The following HPSE2 variants were observed in gnomAD, a reference collection of about 807,000 sequenced individuals.
HPSE2 encodes inactive heparanase-2.
Under a neutral mutation model 60.5 loss-of-function variants are expected in HPSE2, and 38 were observed. The ratio of observed to expected loss-of-function variants is 0.63; its 90% CI spans 0.48 to 0.82. The LOEUF (loss-of-function observed/expected upper bound fraction) is 0.82. Among genes scored for constraint, HPSE2 ranks in the 40% least tolerant of loss-of-function variants. The pLI, the probability that HPSE2 is intolerant of heterozygous loss-of-function variation, is 0.00. For synonymous variants in HPSE2, 295 were observed against 293.2 expected, an observed-to-expected ratio of 1.01 and a Z score of -0.06; for missense variants, 713 against 740.4, an observed-to-expected ratio of 0.96 and a Z score of 0.43.
At chr10:98,591,080 G>A (rs557507964) in intron 9 of HPSE2, among the ~76,000 whole-genome samples, 1 of 151,924 alleles carries the variant, frequency 6.6e-6, no homozygotes, top group East Asian at 1.9e-4. Flanking sequence ...ATACCTATGA[G>A]CTATATACAT....
At chr10:99,291,867 C>T in the HPSE2 span, among the ~76,000 whole-genome samples, 1 of 152,088 alleles carries the variant, frequency 6.6e-6, no homozygotes, top group Non-Finnish European at 1.5e-5. Context: ...AGATAATGGC[C>T]TATAGTGGGT....
At chr10:99,022,298 A>T (rs1452382272) in intron 3 of HPSE2, among the ~76,000 whole-genome samples, 1 of 152,084 alleles carries the variant, frequency 6.6e-6, no homozygotes, top group Non-Finnish European at 1.5e-5. Context: ...GGGAGCATTT[A>T]AACTAGACCT....
intron 9 of HPSE2, among the ~76,000 whole-genome samples, chr10:98,571,426 C>T (rs1378907060): frequency 1.3e-5 from 2 of 151,964 alleles, no homozygotes; most frequent in Non-Finnish European, 2.9e-5. Flanking sequence ...AAAAGGAGAC[C>T]AATGTGTAAT....
chr10:98,996,820 A>G (rs2135358998), intron 3 of HPSE2, among the ~76,000 whole-genome samples: 1 of 152,296 alleles, frequency 6.6e-6, no homozygotes, highest in South Asian at 2.1e-4. Flanking sequence ...AGTCTAACAT[A>G]ATCTATAGTG....
chr10:99,014,752 T>G (rs1473994447), intron 3 of HPSE2, among the ~76,000 whole-genome samples: 1 of 152,212 alleles, frequency 6.6e-6, no homozygotes, highest in Non-Finnish European at 1.5e-5. Context: ...TGTCTTCTTT[T>G]AAACATGGGC....
At chr10:98,734,677 T>C (rs1949306252) in intron 4 of HPSE2, among the ~76,000 whole-genome samples, 2 of 152,328 alleles carry the variant, frequency 1.3e-5, no homozygotes, top group Middle Eastern at 6.8e-3. Context: ...CAAAATATTT[T>C]GTCCAAAATA....
intron 2 of HPSE2, among the ~76,000 whole-genome samples, chr10:99,188,565 T>A (rs1444831829): frequency 2.0e-5 from 3 of 152,094 alleles, no homozygotes; most frequent in African/African-American, 7.2e-5. Context: ...ATCTACTAAA[T>A]ATACTGGAAA....
chr10:99,023,993 T>C lies in HPSE2; in HGVS notation c.610+120245A>G, dbSNP rs1957322813. Among the ~76,000 whole-genome samples the C allele has an allele frequency of 3.3e-5, 5 of 152,152 alleles. 1 individual carries two copies. The South Asian group carries it at 1.0e-3, about 32-fold the overall frequency. Reference sequence around the variant, plus strand: ...GAAGACATGACCTCACCAAATAAACTAAATAAGGTGCTGCTGACCAATTCT... The same window carrying C: ...GAAGACATGACCTCACCAAATAAACCAAATAAGGTGCTGCTGACCAATTCT... On this transcript the variant is annotated intron_variant, in intron 3 of 11. Coordinates refer to ENST00000370552, the MANE Select transcript of HPSE2 (RefSeq NM_021828.5).
chr10:99,213,433 T>A (rs970976536), intron 2 of HPSE2, among the ~76,000 whole-genome samples: 1 of 152,096 alleles, frequency 6.6e-6, no homozygotes, highest in East Asian at 1.9e-4. Context: ...GATCATAATG[T>A]CCATGATCAA....
intron 2 of HPSE2, among the ~76,000 whole-genome samples, chr10:99,207,978 A>C (rs1265862605): frequency 1.3e-5 from 2 of 150,234 alleles, no homozygotes; most frequent in Admixed American, 6.6e-5. Flanking sequence ...ACTAATAATA[A>C]AATGGAACAA....
chr10:99,304,099 A>T, the HPSE2 span, among the ~76,000 whole-genome samples: 1 of 152,226 alleles, frequency 6.6e-6, no homozygotes, highest in African/African-American at 2.4e-5. Flanking sequence ...GTTTAAGATT[A>T]AGGAGGAGTA....
At chr10:98,950,693 C>G (rs1955331542) in intron 3 of HPSE2, among the ~76,000 whole-genome samples, 1 of 152,078 alleles carries the variant, frequency 6.6e-6, no homozygotes, top group African/African-American at 2.4e-5. Context: ...CGGAACACAC[C>G]AGCACCTTTT....
intron 3 of HPSE2, among the ~76,000 whole-genome samples, chr10:99,080,982 G>C (rs143372911): frequency 0.011 from 1,610 of 152,274 alleles, 33 homozygotes; most frequent in African/African-American, 0.037. Flanking sequence ...TTTTAGTAGA[G>C]ACGGGGTTTC....
intron 5 of HPSE2, among the ~76,000 whole-genome samples, chr10:98,712,388 A>G (rs764657720): frequency 6.8e-4 from 103 of 152,122 alleles, no homozygotes; most frequent in Non-Finnish European, 1.3e-3. Context: ...CATGAAGTCA[A>G]AAGTGCCTTG....
intron 3 of HPSE2, among the ~76,000 whole-genome samples, chr10:98,824,320 C>T (rs946667487): frequency 2.0e-5 from 3 of 152,094 alleles, no homozygotes; most frequent in Non-Finnish European, 2.9e-5. Flanking sequence ...CTGATCTGAG[C>T]GGTTGTGTTC....
chr10:98,557,119 A>G (rs1414870756), intron 9 of HPSE2, among the ~76,000 whole-genome samples: 3 of 152,138 alleles, frequency 2.0e-5, no homozygotes, highest in Non-Finnish European at 4.4e-5. Flanking sequence ...AGGCTGAGGC[A>G]GGAGAATGGC....
chr10:99,308,496 G>A, the HPSE2 span, among the ~76,000 whole-genome samples: 8 of 151,632 alleles, frequency 5.3e-5, no homozygotes, highest in Admixed American at 5.3e-4. Context: ...ACTGATGCAT[G>A]TTACAACATG....
the HPSE2 span, among the ~76,000 whole-genome samples, chr10:99,258,117 G>C: frequency 2.0e-5 from 3 of 151,908 alleles, no homozygotes; most frequent in African/African-American, 4.8e-5. Flanking sequence ...CTCCAGCCTG[G>C]TGACTGGAGC....
At chr10:98,589,723 C>A (rs559575555) in intron 9 of HPSE2, among the ~76,000 whole-genome samples, 1 of 152,222 alleles carries the variant, frequency 6.6e-6, no homozygotes, top group South Asian at 2.1e-4. Flanking sequence ...ACCATCCAGA[C>A]TGCTCTCCCT....
Sources: allele counts gnomAD v4.1 joint callset (sites outside exome capture counted in the v4.1 genomes callset), GRCh38; gene constraint gnomAD v4.1.1; transcripts MANE v1.5; gene names NCBI Gene and HGNC (gene_info 2026-07-23, HGNC 2026-07-21).